The following KIF6 variants were observed in gnomAD, a reference collection of about 807,000 sequenced individuals.
KIF6 encodes kinesin-like protein KIF6.
Under a neutral mutation model 112.7 loss-of-function variants are expected in KIF6, and 106 were observed. That is an observed-to-expected ratio of 0.94 (90% CI 0.80 to 1.11). The LOEUF is 1.11. Ranked by LOEUF, KIF6 falls within the 50% of genes least tolerant of loss-of-function variation. The pLI is 0.00. For missense variants in KIF6, 929 were observed against 964.0 expected, an observed-to-expected ratio of 0.96 and a Z score of 0.48; for synonymous variants, 339 against 339.9, an observed-to-expected ratio of 1.00 and a Z score of 0.03.
At position 39,481,149 on chromosome 6, in the gene KIF6, T is replaced by C. The variant is rs116262173; in HGVS notation, c.1646-49988A>G. ...TAGCATGCTATCTTTTTTTAAAAAA[T>C]GAAGAAAGATAAGAGCATACATTAA... On this transcript the variant is annotated intron_variant, in intron 13 of 22. Transcript: ENST00000287152. Among the ~76,000 whole-genome samples, 695 of 152,196 alleles carry C rather than the reference T, an allele frequency of 4.6e-3. 3 individuals carry two copies. Among genetic ancestry groups the C allele is most frequent in the Non-Finnish European group, 7.4e-3 (506 of 67,996 alleles).
At chr6:39,499,082 T>C (rs1205585018) in intron 13 of KIF6, among the ~76,000 whole-genome samples, 2 of 152,248 alleles carry the variant, frequency 1.3e-5, no homozygotes, top group African/African-American at 2.4e-5. Context: ...TTACTCATTA[T>C]TCAAGTAAGT....
At chr6:39,677,095 G>A (rs986362043) in intron 3 of KIF6, among the ~76,000 whole-genome samples, 1 of 152,058 alleles carries the variant, frequency 6.6e-6, no homozygotes, top group Non-Finnish European at 1.5e-5. Flanking sequence ...CTTGATTACT[G>A]AATGCTGGCC....
intron 13 of KIF6, among the ~76,000 whole-genome samples, chr6:39,520,382 C>A (rs922118114): frequency 7.9e-5 from 12 of 152,196 alleles, no homozygotes; most frequent in African/African-American, 2.7e-4. Context: ...GCAGCTCCAA[C>A]CAAAGCACAT....
At chr6:39,414,451 G>A (rs576977485) in intron 15 of KIF6, among the ~76,000 whole-genome samples, 7 of 152,306 alleles carry the variant, frequency 4.6e-5, no homozygotes, top group Admixed American at 1.3e-4. Context: ...CACGGCTGCT[G>A]CAAACCCATG....
chr6:39,618,392 C>T lies in KIF6; in HGVS notation c.510-5074G>A, dbSNP rs143713360. ...TAAGCCCCTCATCCAACTGAATGGA[C>T]CCCCTATTGGCCACGGGGACCCCAG... On this transcript the variant is annotated intron_variant, in intron 5 of 22. Transcript: ENST00000287152. Among the ~76,000 whole-genome samples the T allele has an allele frequency of 1.3e-3, 205 of 152,262 alleles. 1 individual carries two copies. Among genetic ancestry groups the T allele is most frequent in the Non-Finnish European group, 2.3e-3 (155 of 68,018 alleles).
At chr6:39,528,007 G>T (rs537445348) in intron 13 of KIF6, among the ~76,000 whole-genome samples, 10 of 152,160 alleles carry the variant, frequency 6.6e-5, no homozygotes, top group African/African-American at 2.4e-4. Context: ...CAGCAATTTT[G>T]AAATGTACAT....
At chr6:39,660,913 T>A (rs1786102371) in intron 3 of KIF6, among the ~76,000 whole-genome samples, 1 of 152,238 alleles carries the variant, frequency 6.6e-6, no homozygotes, top group Non-Finnish European at 1.5e-5. Flanking sequence ...TTTCACTGCC[T>A]GTGAGTCCCC....
At position 39,374,016 on chromosome 6, in the gene KIF6, G is replaced by A. The variant is rs74905662; in HGVS notation, c.1862-11498C>T. Among the ~76,000 whole-genome samples, 445 of 152,270 alleles carry A rather than the reference G, an allele frequency of 2.9e-3. 14 individuals are homozygous for A. In the East Asian group the frequency reaches 0.065, roughly 22 times the overall value. ...ATAGTAATCAAAACAGCAGGGCACT[G>A]TGATAAACAGACACATTGACCAATG... On this transcript the variant is annotated intron_variant, in intron 16 of 22. Coordinates refer to ENST00000287152, the MANE Select transcript of KIF6 (RefSeq NM_145027.6).
rs1188865712 is a variant in KIF6, at chr6:39,342,614, TTTTTTTATTTTTTTTTA to T, written c.2428+1078_2428+1094del. Among the ~76,000 whole-genome samples, 13 of 132,072 alleles carry T rather than the reference TTTTTTTATTTTTTTTTA, an allele frequency of 9.8e-5. 1 individual carries two copies. The highest frequency in any genetic ancestry group is 3.6e-4 in the African/African-American group (10 of 27,926). The allele number at this position is 132,072 out of a possible 152,430, so 86.6% of individuals were successfully genotyped here. A position where few individuals can be genotyped will look rare whatever the true frequency, so the allele number is the denominator to read the frequency against. On this transcript the variant is annotated intron_variant, in intron 22 of 22. Transcript: ENST00000287152. The surrounding 1 kb of genome is among the most constrained non-coding windows in gnomAD (Gnocchi z 4.7). ...ATCCAGTTTTTTATTTTTTTTTATT[TTTTTTTATTTTTTTTTA>T]TTTTTAGACAAGGAAACTGAGAATG...
intron 1 of KIF6, 67 bp downstream of exon 1, chr6:39,725,178 G>A (rs1790465707): frequency 7.1e-7 from 1 of 1,411,770 alleles, no homozygotes; most frequent in Non-Finnish European, 9.8e-7. Flanking sequence ...GCCCCTTCGC[G>A]TGCCGCCGCC....
chr6:39,415,499 G>T (rs1769854449), intron 15 of KIF6, among the ~76,000 whole-genome samples: 1 of 152,194 alleles, frequency 6.6e-6, no homozygotes, highest in African/African-American at 2.4e-5. Context: ...TGGAGTAAGT[G>T]CTCAATAAAT....
At chr6:39,528,514 G>A (rs1004676864) in intron 13 of KIF6, among the ~76,000 whole-genome samples, 1 of 152,160 alleles carries the variant, frequency 6.6e-6, no homozygotes, top group Non-Finnish European at 1.5e-5. Flanking sequence ...GGATCATATA[G>A]TAATTCTATT....
At chr6:39,466,171 C>T (rs923762643) in intron 13 of KIF6, among the ~76,000 whole-genome samples, 4 of 152,194 alleles carry the variant, frequency 2.6e-5, no homozygotes, top group Non-Finnish European at 4.4e-5. Flanking sequence ...TACATAAATA[C>T]GGCTGTGTAA....
chr6:39,708,412 G>T (rs943875514), intron 3 of KIF6, among the ~76,000 whole-genome samples: 3 of 152,126 alleles, frequency 2.0e-5, no homozygotes, highest in Non-Finnish European at 4.4e-5. Context: ...GAAATCAAAG[G>T]TTAACCAGTG....
chr6:39,484,863 C>T (rs1266261394), intron 13 of KIF6, among the ~76,000 whole-genome samples: 1 of 152,170 alleles, frequency 6.6e-6, no homozygotes, highest in East Asian at 1.9e-4. Context: ...GCATCTGTGA[C>T]TATCATCTCT....
chr6:39,461,098 AAG>A (rs1773446752), intron 13 of KIF6, among the ~76,000 whole-genome samples: 1 of 152,200 alleles, frequency 6.6e-6, no homozygotes, highest in Admixed American at 6.5e-5. Flanking sequence ...AAGTGGTCAA[AAG>A]AGAGTTTTGC....
At chr6:39,434,357 A>C (rs1452188162) in intron 13 of KIF6, among the ~76,000 whole-genome samples, 1 of 151,768 alleles carries the variant, frequency 6.6e-6, no homozygotes, top group African/African-American at 2.4e-5. Flanking sequence ...TGAGCTCAAG[A>C]GTTCAGGTTC....
intron 7 of KIF6, among the ~76,000 whole-genome samples, chr6:39,590,850 A>T (rs2150673324): frequency 6.6e-6 from 1 of 152,332 alleles, no homozygotes; most frequent in Middle Eastern, 3.4e-3. Flanking sequence ...AGGGAAATTT[A>T]TTGGTTCATG....
intron 10 of KIF6, among the ~76,000 whole-genome samples, chr6:39,560,056 C>T (rs1779931309): frequency 6.6e-6 from 1 of 152,090 alleles, no homozygotes. Flanking sequence ...TAAATCTGGC[C>T]ACCCTAAGCT....
Sources: gnomAD v4.1 joint callset for allele counts (sites outside exome capture counted in the v4.1 genomes callset) on GRCh38, gnomAD v4.1.1 for gene constraint, Gnocchi (gnomAD v3.1) non-coding constraint, MANE v1.5 for transcripts, NCBI Gene and HGNC (gene_info 2026-07-23, HGNC 2026-07-21) for gene names.